Variants in NAV3 observed in about 807,000 individuals in gnomAD.
NAV3 encodes neuron navigator 3.
Under a neutral mutation model 244.7 loss-of-function variants are expected in NAV3, and 87 were observed. That is an observed-to-expected ratio of 0.36 (90% confidence interval 0.30 to 0.42). The LOEUF (loss-of-function observed/expected upper bound fraction) is 0.42, where lower values mean the gene tolerates loss of function less well. Among genes scored for constraint, NAV3 ranks in the 20% least tolerant of loss-of-function variants. NAV3 has a pLI of 1.00. For missense variants in NAV3, 2,663 were observed against 2,893.3 expected (o/e 0.92, Z 1.83); for synonymous variants, 1,126 against 1,042.2 (o/e 1.08, Z -1.55).
intron 2 of NAV3, among the ~76,000 whole-genome samples, chr12:77,594,107 C>A (rs1472262379): frequency 6.6e-6 from 1 of 151,950 alleles, no homozygotes; most frequent in Non-Finnish European, 1.5e-5. Context: ...GTAACAACAA[C>A]AAAAAACCCT....
At chr12:78,147,107 T>A (rs928517447) in intron 21 of NAV3, among the ~76,000 whole-genome samples, 2 of 152,116 alleles carry the variant, frequency 1.3e-5, no homozygotes, top group African/African-American at 4.8e-5. Context: ...TGCAAAAGTA[T>A]TCCTTTCCTT....
intron 5 of NAV3, among the ~76,000 whole-genome samples, chr12:77,979,699 GAAAAAAAAAAAAGAA>G (rs1476737054): frequency 5.1e-3 from 405 of 79,356 alleles, no homozygotes; most frequent in African/African-American, 0.014. Flanking sequence ...GATGTGAAAC[GAAAAAAAAAAAAGAA>G]AAAAAAAAAA....
intron 1 of NAV3, among the ~76,000 whole-genome samples, chr12:77,883,442 A>G (rs1565887555): frequency 6.6e-6 from 1 of 152,042 alleles, no homozygotes; most frequent in Non-Finnish European, 1.5e-5. Flanking sequence ...ACTACTAGAT[A>G]GGTTAGACAA....
At chr12:77,714,022 A>AT (rs1299316790) in intron 2 of NAV3, among the ~76,000 whole-genome samples, 4 of 152,164 alleles carry the variant, frequency 2.6e-5, no homozygotes, top group East Asian at 1.9e-4. Context: ...GAAAATATAC[A>AT]TTTTTTTGCA....
intron 2 of NAV3, among the ~76,000 whole-genome samples, chr12:77,746,819 CTCTT>C (rs558683788): frequency 4.7e-4 from 71 of 152,280 alleles, no homozygotes; most frequent in African/African-American, 1.7e-3. Flanking sequence ...TTCAGCTACT[CTCTT>C]TCTTTGGAGA....
In NAV3 at chr12:77,636,145, C is replaced by T. The variant is rs1043542893; in HGVS notation, c.72+63879C>T. On this transcript the variant is annotated intron_variant, in intron 2 of 8. Coordinates refer to the NAV3 transcript ENST00000550042. ...AAAACCACAATGAGATACCATCTCA[C>T]GCCAGTTAGAATGGCGATCATTAAA... Among the ~76,000 whole-genome samples, 6 of 152,216 alleles carry T rather than the reference C, an allele frequency of 3.9e-5. No homozygotes were observed. The South Asian group carries it at 8.3e-4, about 21-fold the overall frequency.
At chr12:78,005,794 A>G (rs748891322) in intron 7 of NAV3, among the ~76,000 whole-genome samples, 2 of 152,236 alleles carry the variant, frequency 1.3e-5, no homozygotes, top group Non-Finnish European at 2.9e-5. Context: ...TCCCACTTCA[A>G]TGGGCTGTTG....
chr12:77,793,048 G>A (rs193032389), intron 2 of NAV3, among the ~76,000 whole-genome samples: 30 of 152,130 alleles, frequency 2.0e-4, no homozygotes, highest in Admixed American at 2.0e-3. Context: ...CTTTCTTCTT[G>A]CAAATACCAA....
intron 33 of NAV3, 138 bp from the exon 34 acceptor site, chr12:78,189,846 G>T: frequency 1.6e-6 from 1 of 637,076 alleles, no homozygotes; most frequent in Non-Finnish European, 2.7e-6. Flanking sequence ...CATATTTGTG[G>T]GATAGAAATA....
chr12:78,130,411 A>G, intron 18 of NAV3: 2 of 222,206 alleles, frequency 9.0e-6, no homozygotes, highest in Admixed American at 8.3e-5. Flanking sequence ...CTTTGTCTCC[A>G]TATTCTTTTT....
At chr12:78,019,314 G>A (rs2619056) in intron 8 of NAV3, among the ~76,000 whole-genome samples, 79,720 of 151,872 alleles carry the variant, frequency 0.52, 21,201 homozygotes, top group Non-Finnish European at 0.54. Context: ...TTTTACCGTT[G>A]TGGCTAATAT....
At chr12:77,949,160 C>T (rs1224348423) in intron 3 of NAV3, among the ~76,000 whole-genome samples, 1 of 152,044 alleles carries the variant, frequency 6.6e-6, no homozygotes, top group African/African-American at 2.4e-5. Flanking sequence ...ACAAGAAATA[C>T]TGGGAAATCA....
intron 10 of NAV3, 32 bp from the exon 11 acceptor site, chr12:78,050,732 G>T: frequency 1.3e-6 from 2 of 1,556,398 alleles, no homozygotes; most frequent in Non-Finnish European, 1.7e-6. Context: ...AAGTGAACCA[G>T]AGTATAGTTA....
At chr12:77,817,502 C>T (rs1872568830) in intron 2 of NAV3, among the ~76,000 whole-genome samples, 1 of 150,722 alleles carries the variant, frequency 6.6e-6, no homozygotes. Context: ...AAATGCTCTG[C>T]CAAGTTCTTC....
chr12:77,866,648 T>G (rs1015787146), intron 1 of NAV3, among the ~76,000 whole-genome samples: 1 of 152,386 alleles, frequency 6.6e-6, no homozygotes, highest in Non-Finnish European at 1.5e-5. Context: ...ACAAGAAGTG[T>G]GCCCTTTGAT....
At chr12:77,730,641 A>G (rs1460141611) in intron 2 of NAV3, among the ~76,000 whole-genome samples, 1 of 151,900 alleles carries the variant, frequency 6.6e-6, no homozygotes, top group Non-Finnish European at 1.5e-5. Context: ...TTCCAATAAT[A>G]CAGAATTGAG....
intron 9 of NAV3, among the ~76,000 whole-genome samples, chr12:78,023,175 C>A (rs1877449366): frequency 6.6e-6 from 1 of 152,124 alleles, no homozygotes; most frequent in South Asian, 2.1e-4. Flanking sequence ...GAGCTCAAAT[C>A]TTTAGGATAA....
intron 2 of NAV3, among the ~76,000 whole-genome samples, chr12:77,657,963 T>G (rs1377244427): frequency 7.2e-5 from 11 of 152,118 alleles, no homozygotes; most frequent in African/African-American, 2.7e-4. Flanking sequence ...TATCTCAAAA[T>G]AATAAGAACT....
At chr12:78,048,328 G>T (rs1882183526) in intron 9 of NAV3, among the ~76,000 whole-genome samples, 1 of 151,798 alleles carries the variant, frequency 6.6e-6, no homozygotes, top group Non-Finnish European at 1.5e-5. Context: ...TTTTTGCACT[G>T]TTTTTTTTCT....
Sources: gnomAD v4.1 joint callset for allele counts (sites outside exome capture counted in the v4.1 genomes callset) on GRCh38, gnomAD v4.1.1 for gene constraint, MANE v1.5 for transcripts, NCBI Gene and HGNC (gene_info 2026-07-23, HGNC 2026-07-21) for gene names.